GALNT2: variants seen among roughly 807,000 people sequenced by gnomAD.
GALNT2 encodes polypeptide N-acetylgalactosaminyltransferase 2.
Under a neutral mutation model 81.4 loss-of-function variants are expected in GALNT2, and 31 were observed. That is an observed-to-expected ratio of 0.38 (90% CI 0.29 to 0.51). The LOEUF (loss-of-function observed/expected upper bound fraction) is 0.51. Among genes scored for constraint, GALNT2 ranks in the 20% least tolerant of loss-of-function variants. The pLI, the probability that GALNT2 is intolerant of heterozygous loss-of-function variation, is 0.87. For missense variants in GALNT2, 629 were observed against 765.7 expected, an observed-to-expected ratio of 0.82 and a Z score of 2.11; for synonymous variants, 303 against 287.4, an observed-to-expected ratio of 1.05 and a Z score of -0.55.
At chr1:230,209,558 T>G (rs563107206) in intron 3 of GALNT2, among the ~76,000 whole-genome samples, 1 of 152,306 alleles carries the variant, frequency 6.6e-6, no homozygotes, top group African/African-American at 2.4e-5. Context: ...AATCTATTGT[T>G]GGGCCAGGTG....
chr1:230,189,841 G>T (rs1392218571), intron 2 of GALNT2, among the ~76,000 whole-genome samples: 1 of 152,172 alleles, frequency 6.6e-6, no homozygotes, highest in Non-Finnish European at 1.5e-5. Flanking sequence ...TGGTATTCCT[G>T]TTTCTATGAA....
chr1:230,246,550 G>T (rs1334465974), intron 8 of GALNT2, among the ~76,000 whole-genome samples: 1 of 152,118 alleles, frequency 6.6e-6, no homozygotes, highest in African/African-American at 2.4e-5. Context: ...TGCTCACCCT[G>T]GCTATTTCTC....
At chr1:230,066,628 T>C (rs1294491589), upstream of GALNT2, among the ~76,000 whole-genome samples, 4 of 152,202 alleles carry the variant, frequency 2.6e-5, no homozygotes, top group East Asian at 1.9e-4. Flanking sequence ...AAAGTCGGGT[T>C]CAAGCGGGCG....
At chr1:230,119,924 T>C (rs1452640626) in intron 1 of GALNT2, among the ~76,000 whole-genome samples, 1 of 152,132 alleles carries the variant, frequency 6.6e-6, no homozygotes, top group Non-Finnish European at 1.5e-5. Context: ...AGGACCGTGT[T>C]GCTGTATACT....
chr1:230,220,780 A>G (rs914496672), intron 3 of GALNT2, among the ~76,000 whole-genome samples: 3 of 152,286 alleles, frequency 2.0e-5, no homozygotes, highest in Admixed American at 6.5e-5. Flanking sequence ...AAATCATGGT[A>G]TGATGTGACG....
chr1:230,120,688 C>G (rs1660989557), intron 1 of GALNT2, among the ~76,000 whole-genome samples: 1 of 152,148 alleles, frequency 6.6e-6, no homozygotes, highest in Non-Finnish European at 1.5e-5. Context: ...AACAGCATTC[C>G]TTTCTCCTCG....
chr1:230,273,182 T>C (rs2102779367), intron 14 of GALNT2, among the ~76,000 whole-genome samples: 1 of 152,312 alleles, frequency 6.6e-6, no homozygotes, highest in South Asian at 2.1e-4. Context: ...TTTCCTTACC[T>C]CTGTTTCCAA....
intron 15 of GALNT2, among the ~76,000 whole-genome samples, chr1:230,276,234 G>T (rs1182128667): frequency 6.6e-6 from 1 of 151,950 alleles, no homozygotes; most frequent in Non-Finnish European, 1.5e-5. Context: ...TGCCTTGTAA[G>T]CCGGTTTTCT....
At chr1:230,061,705 C>T (rs1380203216) in intron 1 of GALNT2, among the ~76,000 whole-genome samples, 2 of 152,126 alleles carry the variant, frequency 1.3e-5, no homozygotes, top group African/African-American at 2.4e-5. Context: ...TCTCCTATCC[C>T]TTCTACCTTT....
chr1:230,163,926 C>A (rs773985299), intron 1 of GALNT2, among the ~76,000 whole-genome samples: 2 of 152,018 alleles, frequency 1.3e-5, no homozygotes, highest in African/African-American at 4.8e-5. Context: ...CAGAACTGGC[C>A]GGGGGTGGTG....
intron 1 of GALNT2, among the ~76,000 whole-genome samples, chr1:230,104,778 G>A (rs1660491227): frequency 6.6e-6 from 1 of 152,232 alleles, no homozygotes; most frequent in African/African-American, 2.4e-5. Flanking sequence ...GTGCCTGAGT[G>A]CAGCGGCTGG....
At chr1:230,083,357 G>A (rs946344356) in intron 1 of GALNT2, among the ~76,000 whole-genome samples, 11 of 149,162 alleles carry the variant, frequency 7.4e-5, no homozygotes, top group Non-Finnish European at 4.5e-5. Flanking sequence ...GGATGAGGGA[G>A]CAGGCAGCTG....
intron 1 of GALNT2, among the ~76,000 whole-genome samples, chr1:230,175,579 CTCCCCTCCTCG>C (rs1201765707): frequency 2.5e-5 from 2 of 78,834 alleles, no homozygotes; most frequent in Admixed American, 1.1e-4. Flanking sequence ...CCTCTGCCTC[CTCCCCTCCTCG>C]TCCCCTCCTC....
chr1:230,265,256 G>T lies in GALNT2; in HGVS notation c.1329G>T (p.Gln443His), dbSNP rs1665999748. 6.2e-7 allele frequency: 1 copy of T among 1,614,116 alleles called. No homozygotes were observed. The highest frequency in any genetic ancestry group is 8.5e-7 in the Non-Finnish European group (1 of 1,180,060). ...VYPELRVPDHQDIAFGALQQG... is the reference protein window; with the variant it reads ...VYPELRVPDHHDIAFGALQQG... ...TGTTTTTCAGGGTTCCAGACCATCA[G>T]GATATAGCTTTTGGGGCCTTGCAGC... The change falls in exon 14 of 16, where the codon CAG becomes CAT. Residue 443 changes from glutamine to histidine, a missense_variant. Gln to His is a conservative substitution (Grantham distance 24, BLOSUM62 0). Coordinates refer to ENST00000366672, the MANE Select transcript of GALNT2 (RefSeq NM_004481.5).
At chr1:230,215,850 T>G (rs1418116337) in intron 3 of GALNT2, among the ~76,000 whole-genome samples, 1 of 152,230 alleles carries the variant, frequency 6.6e-6, no homozygotes, top group Non-Finnish European at 1.5e-5. Flanking sequence ...TTCAGGACAT[T>G]AATATAGTGA....
rs1002631251 is a variant in GALNT2 at position 230,186,462 on chromosome 1, G to A, written c.220+8151G>A. 5.9e-5 allele frequency among the ~76,000 whole-genome samples: 9 copies of A among 152,222 alleles called. No individual in the cohort carries two copies. In the South Asian group the frequency reaches 1.9e-3, roughly 32 times the overall value. On this transcript the variant is annotated intron_variant, in intron 2 of 15. Coordinates refer to ENST00000366672, the MANE Select transcript of GALNT2 (RefSeq NM_004481.5). ...GTAAAGTAAACATTACCCACACAAT[G>A]GGGAGCATCTGAATAGAATAGTTAA...
intron 1 of GALNT2, among the ~76,000 whole-genome samples, chr1:230,095,998 A>G (rs2102772059): frequency 6.6e-6 from 1 of 152,358 alleles, no homozygotes; most frequent in East Asian, 1.9e-4. Context: ...GCTTTTGTGC[A>G]GGAATGGCAC....
At chr1:230,187,837 A>T (rs1478320109) in intron 2 of GALNT2, among the ~76,000 whole-genome samples, 1 of 151,846 alleles carries the variant, frequency 6.6e-6, no homozygotes, top group Non-Finnish European at 1.5e-5. Flanking sequence ...CCTGCTGTCA[A>T]GCTGTCCCTC....
upstream of GALNT2, among the ~76,000 whole-genome samples, chr1:230,066,938 G>T (rs978845783): frequency 3.3e-5 from 5 of 150,774 alleles, no homozygotes; most frequent in African/African-American, 1.2e-4. Flanking sequence ...CCCTCACGGC[G>T]GAGCCCGGCG....
Sources: allele counts gnomAD v4.1 joint callset (sites outside exome capture counted in the v4.1 genomes callset), GRCh38; gene constraint gnomAD v4.1.1; transcripts MANE v1.5; gene names NCBI Gene and HGNC (gene_info 2026-07-23, HGNC 2026-07-21).